The following PCDH9 variants were observed in gnomAD, a reference collection of about 807,000 sequenced individuals.
PCDH9 encodes protocadherin-9.
Under a neutral mutation model 70.6 loss-of-function variants are expected in PCDH9, and 24 were observed. The ratio of observed to expected loss-of-function variants is 0.34; its 90% CI spans 0.25 to 0.48. The LOEUF (loss-of-function observed/expected upper bound fraction) is 0.48. Among genes scored for constraint, PCDH9 ranks in the 20% least tolerant of loss-of-function variants. The pLI is 0.99. For missense variants in PCDH9, 1,281 were observed against 1,503.6 expected, an observed-to-expected ratio of 0.85 and a Z score of 2.45; for synonymous variants, 562 against 558.5, an observed-to-expected ratio of 1.01 and a Z score of -0.09.
intron 4 of PCDH9, among the ~76,000 whole-genome samples, chr13:66,354,085 T>C (rs1302226830): frequency 6.6e-6 from 1 of 152,318 alleles, no homozygotes; most frequent in Non-Finnish European, 1.5e-5. Context: ...TTCTCTCTTA[T>C]CACTTTATTC....
intron 2 of PCDH9, among the ~76,000 whole-genome samples, chr13:66,931,605 A>G (rs2082809499): frequency 6.6e-6 from 1 of 152,142 alleles, no homozygotes; most frequent in South Asian, 2.1e-4. Context: ...TGCAAATGCT[A>G]TCACTCATAG....
chr13:67,019,985 T>C (rs2084643264), intron 2 of PCDH9, among the ~76,000 whole-genome samples: 1 of 152,256 alleles, frequency 6.6e-6, no homozygotes, highest in Non-Finnish European at 1.5e-5. Flanking sequence ...AAGAATTCTT[T>C]AGCTATAAAA....
intron 2 of PCDH9, chr13:67,219,794 G>A (rs1470543098): frequency 6.6e-6 from 1 of 151,968 alleles, no homozygotes; most frequent in Non-Finnish European, 1.5e-5. Context: ...TTCCAACTCA[G>A]TGAAATATAT....
At chr13:66,863,518 A>G (rs541183162) in intron 3 of PCDH9, among the ~76,000 whole-genome samples, 3 of 152,088 alleles carry the variant, frequency 2.0e-5, no homozygotes, top group Admixed American at 1.3e-4. Flanking sequence ...ATGGAGTCTC[A>G]CTCTGTCGCC....
intron 4 of PCDH9, among the ~76,000 whole-genome samples, chr13:66,517,502 AACAAAACT>A (rs1959793861): frequency 6.6e-6 from 1 of 152,130 alleles, no homozygotes; most frequent in Non-Finnish European, 1.5e-5. Flanking sequence ...AAAAAACAAC[AACAAAACT>A]TGCTATCAGG....
At chr13:66,680,561 C>A (rs79015791) in intron 3 of PCDH9, among the ~76,000 whole-genome samples, 3,260 of 151,904 alleles carry the variant, frequency 0.021, 87 homozygotes, top group African/African-American at 0.061. Flanking sequence ...TGTTTTTTGA[C>A]AAGCTAACAA....
At chr13:66,668,902 A>T in intron 3 of PCDH9, among the ~76,000 whole-genome samples, 1 of 152,130 alleles carries the variant, frequency 6.6e-6, no homozygotes, top group East Asian at 1.9e-4. Context: ...TTATGGTCTC[A>T]GGTTTGTTTT....
chr13:66,989,483 T>G (rs978883571), intron 2 of PCDH9, among the ~76,000 whole-genome samples: 14 of 151,976 alleles, frequency 9.2e-5, no homozygotes, highest in African/African-American at 3.4e-4. Flanking sequence ...CAGAATAAAA[T>G]GTATTCCTCA....
chr13:66,525,452 T>C (rs1960172168), intron 4 of PCDH9, among the ~76,000 whole-genome samples: 1 of 152,140 alleles, frequency 6.6e-6, no homozygotes, highest in Non-Finnish European at 1.5e-5. Context: ...ATACCTCCTT[T>C]ATTCACTCTT....
chr13:66,701,278 T>TATATAC (rs1555323648), intron 3 of PCDH9, among the ~76,000 whole-genome samples: 1 of 151,502 alleles, frequency 6.6e-6, no homozygotes, highest in African/African-American at 2.4e-5. Flanking sequence ...TATATATATA[T>TATATAC]ACACACACAC....
intron 4 of PCDH9, among the ~76,000 whole-genome samples, chr13:66,573,987 C>A (rs187361909): frequency 1.3e-4 from 20 of 152,196 alleles, no homozygotes; most frequent in African/African-American, 4.8e-4. Flanking sequence ...CCATAAAATC[C>A]CTCTGGTCAA....
In PCDH9 at chr13:66,631,271, G is replaced by T; in HGVS notation, c.3279C>A (p.Phe1093Leu). The T allele has an allele frequency of 1.2e-6, 2 of 1,611,256 alleles. No homozygotes were observed. The highest frequency in any genetic ancestry group is 8.5e-7 in the Non-Finnish European group (1 of 1,177,414). ...TCTTGTCCGGAGAGGCCTGGTCATA[G>T]AATTCGTCCTGTGGCTGAACCAGAG... ...PLPLVQPQDEFYDQASPDKRT... is the reference protein window; with the variant it reads ...PLPLVQPQDELYDQASPDKRT... The change falls in exon 4 of 5, where the codon TTC becomes TTA. Residue 1093 changes from phenylalanine to leucine, a missense_variant. Physicochemically the swap from Phe to Leu is conservative, Grantham distance 22. This residue lies in a region of PCDH9 where 264 missense variants were observed against 278.8 expected (regional missense o/e 0.95). Coordinates refer to ENST00000377865, the MANE Select transcript of PCDH9 (RefSeq NM_203487.3).
intron 2 of PCDH9, among the ~76,000 whole-genome samples, chr13:67,148,976 G>T (rs1328749861): frequency 2.0e-5 from 3 of 152,120 alleles, no homozygotes; most frequent in African/African-American, 7.2e-5. Context: ...TTTACTGCAA[G>T]GCTGCAACTA....
chr13:66,397,480 A>G (rs113172778), intron 4 of PCDH9, among the ~76,000 whole-genome samples: 38 of 148,444 alleles, frequency 2.6e-4, no homozygotes, highest in African/African-American at 9.4e-4. Flanking sequence ...GTGTGTGTGT[A>G]TATATATATA....
chr13:66,623,964 A>T (rs892989077), intron 4 of PCDH9, among the ~76,000 whole-genome samples: 1 of 152,242 alleles, frequency 6.6e-6, no homozygotes, highest in African/African-American at 2.4e-5. Flanking sequence ...GTCTAGATAA[A>T]GTCAGAGGCA....
At chr13:66,375,057 A>T (rs188798480) in intron 4 of PCDH9, among the ~76,000 whole-genome samples, 1 of 152,262 alleles carries the variant, frequency 6.6e-6, no homozygotes, top group East Asian at 1.9e-4. Context: ...AGTACTGTCT[A>T]ATACATGATT....
intron 3 of PCDH9, among the ~76,000 whole-genome samples, chr13:66,851,159 A>G (rs1325862577): frequency 6.6e-6 from 1 of 152,194 alleles, no homozygotes; most frequent in Non-Finnish European, 1.5e-5. Context: ...TCTAAAATAC[A>G]TGCTGCCCTT....
intron 3 of PCDH9, among the ~76,000 whole-genome samples, chr13:66,814,796 T>C (rs2080571590): frequency 1.3e-5 from 2 of 151,970 alleles, no homozygotes; most frequent in African/African-American, 2.4e-5. Context: ...AACCTAAAAC[T>C]AGAAAACCCT....
intron 4 of PCDH9, among the ~76,000 whole-genome samples, chr13:66,340,667 GGT>G (rs1956109463): frequency 6.6e-6 from 1 of 152,062 alleles, no homozygotes; most frequent in Non-Finnish European, 1.5e-5. Context: ...TTATTTCCAT[GGT>G]TAATTCATTT....
Sources: gnomAD v4.1 joint callset for allele counts (sites outside exome capture counted in the v4.1 genomes callset) on GRCh38, gnomAD v4.1.1 for gene constraint, gnomAD v4.1.1 regional missense constraint, MANE v1.5 for transcripts, NCBI Gene and HGNC (gene_info 2026-07-23, HGNC 2026-07-21) for gene names.